The following FBN2 variants were observed in gnomAD, a reference collection of about 807,000 sequenced individuals.
The protein encoded by FBN2 is fibrillin 2.
FBN2 carries 105 observed loss-of-function variants against 355.6 expected under a neutral mutation model. The observed-to-expected ratio is 0.30, with a 90% CI of 0.25 to 0.35. The LOEUF (loss-of-function observed/expected upper bound fraction) is 0.35, where lower values mean the gene tolerates loss of function less well. Among genes scored for constraint, FBN2 ranks in the 10% least tolerant of loss-of-function variants. The pLI, the probability that FBN2 is intolerant of heterozygous loss-of-function variation, is 1.00. For missense variants in FBN2, 3,280 were observed against 3,758.7 expected (o/e 0.87, Z 3.33); for synonymous variants, 1,350 against 1,301.2 (o/e 1.04, Z -0.81).
rs921147527 is a variant in FBN2 at position 128,378,758 on chromosome 5, C to T, written c.1723+13G>A. ...CATGGAACATTTTCATATGTGAAAG[C>T]AAACTGCCTTACCAATGCATGCTTG... On this transcript the variant is annotated intron_variant, in intron 12 of 64. Coordinates refer to ENST00000262464, the MANE Select transcript of FBN2 (RefSeq NM_001999.4). 2 of 1,612,576 alleles carry T rather than the reference C, an allele frequency of 1.2e-6. No individual in the cohort carries two copies. The highest frequency in any genetic ancestry group is 1.7e-6 in the Non-Finnish European group (2 of 1,179,158).
chr5:128,272,485 T>TATATATATAA (rs1329583556), intron 61 of FBN2, among the ~76,000 whole-genome samples: 3 of 147,402 alleles, frequency 2.0e-5, no homozygotes, highest in Admixed American at 6.8e-5. Context: ...TATATATATA[T>TATATATATAA]AAAATATATT....
intron 5 of FBN2, among the ~76,000 whole-genome samples, chr5:128,502,581 T>C (rs560960724): frequency 7.6e-6 from 1 of 132,122 alleles, no homozygotes; most frequent in African/African-American, 3.6e-5. Context: ...AATCAATCTA[T>C]AGGTGAGGTG....
rs886038824 is a variant in FBN2, at chr5:128,377,796, CA to C, written c.1804del (p.Cys602AlafsTer7). On this transcript the variant is annotated frameshift_variant, in exon 13 of 65. Transcript: ENST00000262464. LOFTEE classifies it high-confidence loss of function. ...VNTDGSFQCICNAGFELTTDG... is the reference protein window; with the variant it reads ...VNTDGSFQCIXNAGFELTTDG... ...TGTAGTTAATTCAAAGCCGGCATTGCAAATGCACTGGAAACTTCCATCTGTG... is the reference window on the plus strand; with the variant it reads ...TGTAGTTAATTCAAAGCCGGCATTGCAATGCACTGGAAACTTCCATCTGTG... 1.9e-6 allele frequency: 3 copies of C among 1,613,550 alleles called. No individual in the cohort carries two copies. Among genetic ancestry groups the C allele is most frequent in the Non-Finnish European group, 1.7e-6 (2 of 1,179,614 alleles).
chr5:128,372,862 A>G (rs1382538150), intron 15 of FBN2, among the ~76,000 whole-genome samples: 1 of 152,140 alleles, frequency 6.6e-6, no homozygotes, highest in African/African-American at 2.4e-5. Context: ...CCTGGGCTCC[A>G]GTGATCCGCC....
intron 48 of FBN2, among the ~76,000 whole-genome samples, chr5:128,292,941 G>A (rs1200604808): frequency 6.6e-6 from 1 of 152,096 alleles, no homozygotes; most frequent in Admixed American, 6.6e-5. Context: ...TGTATTATAA[G>A]GATGTCTTCA....
At chr5:128,347,308 C>T (rs1192425387) in intron 23 of FBN2, among the ~76,000 whole-genome samples, 2 of 152,148 alleles carry the variant, frequency 1.3e-5, no homozygotes, top group African/African-American at 4.8e-5. Flanking sequence ...AATACTGAGA[C>T]CTCTATGGAT....
intron 7 of FBN2, chr5:128,442,370 G>A (rs1463550126): frequency 1.8e-5 from 8 of 456,292 alleles, no homozygotes; most frequent in African/African-American, 2.0e-5. Flanking sequence ...TTATCCACAT[G>A]GACTGAAATT....
chr5:128,317,952 C>G (rs866581948), intron 36 of FBN2, among the ~76,000 whole-genome samples, 197 bp downstream of exon 36: 1 of 152,194 alleles, frequency 6.6e-6, no homozygotes, highest in Non-Finnish European at 1.5e-5. Context: ...TACTGCACTT[C>G]TCTGTGCCTT....
intron 30 of FBN2, 118 bp from the exon 31 acceptor site, chr5:128,334,962 C>T: frequency 8.5e-7 from 1 of 1,169,766 alleles, no homozygotes; most frequent in South Asian, 1.3e-5. Context: ...TATAATCCAT[C>T]CGCAAATCAT....
chr5:128,489,528 G>T (rs1755443052), intron 5 of FBN2, among the ~76,000 whole-genome samples: 1 of 151,878 alleles, frequency 6.6e-6, no homozygotes, highest in Non-Finnish European at 1.5e-5. Flanking sequence ...AGGCTTTCTG[G>T]TAAATGTGTT....
intron 48 of FBN2, among the ~76,000 whole-genome samples, chr5:128,292,691 A>T (rs1334477038): frequency 6.6e-6 from 1 of 152,212 alleles, no homozygotes; most frequent in Non-Finnish European, 1.5e-5. Context: ...CTTCTGAGCC[A>T]GCCATTCTAT....
At chr5:128,285,257 T>A (rs2126815261) in intron 55 of FBN2, among the ~76,000 whole-genome samples, 1 of 152,330 alleles carries the variant, frequency 6.6e-6, no homozygotes. Context: ...TTTTTGTGGC[T>A]TTATTTTTCA....
At chr5:128,487,519 CA>C (rs1755370688) in intron 5 of FBN2, among the ~76,000 whole-genome samples, 1 of 152,102 alleles carries the variant, frequency 6.6e-6, no homozygotes, top group Admixed American at 6.6e-5. Flanking sequence ...GGGCACTTAT[CA>C]CAATACACAT....
intron 62 of FBN2, among the ~76,000 whole-genome samples, chr5:128,265,863 G>C (rs35360680): frequency 0.021 from 3,163 of 152,256 alleles, 46 homozygotes; most frequent in Non-Finnish European, 0.032. Context: ...TAACATCGTA[G>C]GTTTACAGTT....
chr5:128,335,886 G>T, intron 28 of FBN2, 102 bp downstream of exon 28: 1 of 1,255,592 alleles, frequency 8.0e-7, no homozygotes, highest in Non-Finnish European at 1.1e-6. Flanking sequence ...ATTCATTTTT[G>T]GGACAAAGGA....
intron 48 of FBN2, among the ~76,000 whole-genome samples, chr5:128,295,891 G>A (rs1212964017): frequency 7.1e-6 from 1 of 141,084 alleles, no homozygotes; most frequent in Non-Finnish European, 1.5e-5. Flanking sequence ...GGAGTGGTGA[G>A]AGAGGGCATC....
chr5:128,310,172 AGAT>A, intron 39 of FBN2, 64 bp from the exon 40 acceptor site: 1 of 1,371,880 alleles, frequency 7.3e-7, no homozygotes, highest in Non-Finnish European at 1.0e-6. Context: ...TATATTACTT[AGAT>A]GACTGAACAA....
rs1394173061 is a variant in FBN2 at position 128,311,873 on chromosome 5, G to GT, written c.4948+11_4948+12insA. The GT allele has an allele frequency of 6.3e-7, 1 of 1,592,774 alleles. No individual in the cohort carries two copies. The highest frequency in any genetic ancestry group is 1.7e-5 in the Admixed American group (1 of 59,978). ...CCTTGTTTGAATCTGGGTGACAATGGGATTAGCTCACCTTCTAAAATGATT... is the reference window on the plus strand; with the variant it reads ...CCTTGTTTGAATCTGGGTGACAATGGTGATTAGCTCACCTTCTAAAATGATT... On this transcript the variant is annotated intron_variant, in intron 38 of 64. Transcript: ENST00000262464.
intron 5 of FBN2, among the ~76,000 whole-genome samples, chr5:128,474,732 C>T (rs761897289): frequency 1.3e-5 from 2 of 152,118 alleles, no homozygotes; most frequent in Non-Finnish European, 2.9e-5. Flanking sequence ...AACACCTTTC[C>T]GAGGAAACTA....
Sources: allele counts gnomAD v4.1 joint callset (sites outside exome capture counted in the v4.1 genomes callset), GRCh38; gene constraint gnomAD v4.1.1; transcripts MANE v1.5; gene names NCBI Gene and HGNC (gene_info 2026-07-23, HGNC 2026-07-21).